MCC: variants seen among roughly 807,000 people sequenced by gnomAD.
MCC encodes colorectal mutant cancer protein.
In MCC, 90 loss-of-function variants were observed where a neutral mutation model predicts 116.2. That is an observed-to-expected ratio of 0.77 (90% CI 0.65 to 0.92). MCC has a LOEUF of 0.92. Among genes scored for constraint, MCC ranks in the 40% least tolerant of loss-of-function variants. The probability of loss-of-function intolerance (pLI) is 0.00; values close to 1 mark genes in which losing one functional copy is unlikely to be tolerated. For synonymous variants in MCC, 578 were observed against 510.5 expected (o/e 1.13, Z -1.78); for missense variants, 1,516 against 1,312.2 (o/e 1.16, Z -2.40).
chr5:113,238,434 C>G (rs1319322224), intron 3 of MCC, among the ~76,000 whole-genome samples: 1 of 151,988 alleles, frequency 6.6e-6, no homozygotes. Flanking sequence ...GACAGATGAC[C>G]CATAAGAAAG....
intron 17 of MCC, among the ~76,000 whole-genome samples, chr5:113,041,673 G>A (rs1307638847): frequency 1.3e-5 from 2 of 152,136 alleles, no homozygotes; most frequent in African/African-American, 2.4e-5. Flanking sequence ...TTTCTGGGTG[G>A]CAGACTGTAA....
intron 12 of MCC, among the ~76,000 whole-genome samples, chr5:113,069,334 T>A (rs1402334888): frequency 6.6e-6 from 1 of 152,238 alleles, no homozygotes; most frequent in Non-Finnish European, 1.5e-5. Context: ...GTGCCCAACA[T>A]TCATTGGGCA....
chr5:113,253,883 T>G (rs1017371773), intron 3 of MCC, among the ~76,000 whole-genome samples: 3 of 151,988 alleles, frequency 2.0e-5, no homozygotes, highest in Non-Finnish European at 4.4e-5. Flanking sequence ...TTAGAAAGGA[T>G]GAAATGATAA....
intron 5 of MCC, among the ~76,000 whole-genome samples, chr5:113,133,055 C>G (rs77203600): frequency 1.0e-3 from 155 of 152,088 alleles, no homozygotes; most frequent in African/African-American, 3.7e-3. Context: ...TTCAGGGTAC[C>G]TGTGACATTT....
chr5:113,417,424 T>G (rs1461198567), intron 1 of MCC, among the ~76,000 whole-genome samples: 1 of 152,220 alleles, frequency 6.6e-6, no homozygotes, highest in Non-Finnish European at 1.5e-5. Context: ...TTTCGGGAAA[T>G]GCTGTTATGG....
chr5:113,065,787 G>A (rs1753561491), intron 13 of MCC, among the ~76,000 whole-genome samples: 1 of 152,202 alleles, frequency 6.6e-6, no homozygotes, highest in South Asian at 2.1e-4. Flanking sequence ...CAGCTCTATG[G>A]CATGATGGGT....
intron 3 of MCC, among the ~76,000 whole-genome samples, chr5:113,160,665 T>C (rs971573206): frequency 6.6e-6 from 1 of 152,216 alleles, no homozygotes; most frequent in Non-Finnish European, 1.5e-5. Flanking sequence ...CACGAAACTG[T>C]TGAGAAGAAA....
chr5:113,196,146 T>C (rs890935031), intron 3 of MCC, among the ~76,000 whole-genome samples: 21 of 152,262 alleles, frequency 1.4e-4, no homozygotes, highest in African/African-American at 4.8e-4. Flanking sequence ...ATTGGTGATA[T>C]ACCTATGGGT....
intron 2 of MCC, 143 bp downstream of exon 2, chr5:113,384,825 C>A: frequency 1.2e-6 from 1 of 851,610 alleles, no homozygotes; most frequent in Non-Finnish European, 1.8e-6. Context: ...AGTGAGCACT[C>A]CCCCAGGGAA....
At chr5:113,360,247 C>T (rs191354566) in intron 2 of MCC, among the ~76,000 whole-genome samples, 58 of 152,138 alleles carry the variant, frequency 3.8e-4, no homozygotes, top group Non-Finnish European at 4.9e-4. Context: ...AAAATATTAT[C>T]CTTTATTCAT....
At chr5:113,162,813 C>A (rs748714201) in intron 3 of MCC, among the ~76,000 whole-genome samples, 22 of 152,140 alleles carry the variant, frequency 1.4e-4, no homozygotes, top group Non-Finnish European at 3.1e-4. Context: ...TGCCACCTTA[C>A]TGACCACAAT....
At chr5:113,207,868 C>T (rs1225276386) in intron 3 of MCC, among the ~76,000 whole-genome samples, 4 of 152,126 alleles carry the variant, frequency 2.6e-5, no homozygotes, top group Non-Finnish European at 2.9e-5. Flanking sequence ...CTGGAGGCCA[C>T]GTTAAAGTGG....
chr5:113,043,660 C>T (rs1751879259), intron 16 of MCC, 30 bp from the exon 17 acceptor site: 1 of 1,540,788 alleles, frequency 6.5e-7, no homozygotes, highest in East Asian at 2.3e-5. Flanking sequence ...TCCAGTTAGG[C>T]CTGAATCCAA....
At position 113,488,437 on chromosome 5, in the gene MCC, G is replaced by A. The variant is rs751748347; in HGVS notation, c.-23C>T. The A allele has an allele frequency of 1.4e-5, 20 of 1,397,970 alleles. No individual in the cohort carries two copies. The South Asian group carries it at 3.5e-4, about 25-fold the overall frequency. The allele number at this position is 1,397,970 out of a possible 1,614,324, so 86.6% of individuals were successfully genotyped here. ...CATGCGCCCGCTCCCTACTTGGGAG[G>A]AGGAGTACGCGCGACCGCAGCTGGA... is the stretch of plus-strand genomic sequence containing the variant. On this transcript the variant is annotated 5_prime_UTR_variant, in exon 1 of 19. Coordinates refer to ENST00000408903, the MANE Select transcript of MCC (RefSeq NM_001085377.2).
chr5:113,407,277 G>A (rs1302040557), intron 1 of MCC, among the ~76,000 whole-genome samples: 5 of 152,150 alleles, frequency 3.3e-5, no homozygotes, highest in Admixed American at 3.3e-4. Flanking sequence ...AGGACCGACA[G>A]GAAATGTTAA....
chr5:113,073,719 T>G (rs895996762), intron 11 of MCC, among the ~76,000 whole-genome samples: 1 of 150,806 alleles, frequency 6.6e-6, no homozygotes, highest in African/African-American at 2.4e-5. Context: ...ATGCCTGCCC[T>G]GACTACCCAC....
intron 14 of MCC, among the ~76,000 whole-genome samples, chr5:113,063,648 G>A (rs1054191751): frequency 2.0e-5 from 3 of 152,202 alleles, no homozygotes; most frequent in Non-Finnish European, 4.4e-5. Context: ...GTGCTTCCTG[G>A]AAATGAAGAC....
intron 3 of MCC, among the ~76,000 whole-genome samples, chr5:113,285,843 A>T (rs1376270178): frequency 6.6e-6 from 1 of 152,230 alleles, no homozygotes; most frequent in Non-Finnish European, 1.5e-5. Context: ...GTCTTACAAT[A>T]GCATCTGACA....
intron 1 of MCC, chr5:113,437,079 C>A (rs1243446604): frequency 1.1e-4 from 16 of 140,888 alleles, no homozygotes; most frequent in Non-Finnish European, 1.9e-4. Context: ...CAGAAGAAAT[C>A]TCTTCAAAAA....
Sources: allele counts gnomAD v4.1 joint callset (sites outside exome capture counted in the v4.1 genomes callset), GRCh38; gene constraint gnomAD v4.1.1; transcripts MANE v1.5; gene names NCBI Gene and HGNC (gene_info 2026-07-23, HGNC 2026-07-21).